PDE1C: variants seen among roughly 807,000 people sequenced by gnomAD.
The protein encoded by PDE1C is dual specificity calcium/calmodulin-dependent 3',5'-cyclic nucleotide phosphodiesterase 1C.
A neutral mutation model predicts 93.1 loss-of-function variants in PDE1C; 62 were observed. The ratio of observed to expected loss-of-function variants is 0.67; its 90% CI spans 0.54 to 0.82. The LOEUF is 0.82. Ranked by LOEUF, PDE1C falls within the 40% of genes least tolerant of loss-of-function variation. The pLI is 0.00. For missense variants in PDE1C, 742 were observed against 884.6 expected (o/e 0.84, Z 2.04); for synonymous variants, 325 against 310.1 (o/e 1.05, Z -0.50).
intron 1 of PDE1C, among the ~76,000 whole-genome samples, chr7:32,268,140 A>G (rs1810737532): frequency 6.6e-6 from 1 of 152,224 alleles, no homozygotes; most frequent in South Asian, 2.1e-4. Context: ...CAGCTCCAAG[A>G]TACTTAGCCT....
chr7:31,891,805 T>TACAC (rs70989620), intron 2 of PDE1C, among the ~76,000 whole-genome samples: 2,915 of 146,108 alleles, frequency 0.02, 56 homozygotes, highest in African/African-American at 0.056. Flanking sequence ...AATGCATTCA[T>TACAC]ACACACACAC....
At chr7:32,356,529 A>AT (rs1464710487) in intron 1 of PDE1C, among the ~76,000 whole-genome samples, 10 of 152,216 alleles carry the variant, frequency 6.6e-5, no homozygotes, top group African/African-American at 2.2e-4. Context: ...TCTCATTTAG[A>AT]TGGGCACATT....
chr7:32,306,104 T>G (rs781371816), intron 1 of PDE1C, among the ~76,000 whole-genome samples: 1 of 152,204 alleles, frequency 6.6e-6, no homozygotes, highest in Non-Finnish European at 1.5e-5. Context: ...TCATTCTCTC[T>G]TGTCTGCCAC....
the PDE1C span, among the ~76,000 whole-genome samples, chr7:31,623,612 A>G: frequency 7.1e-6 from 1 of 140,664 alleles, no homozygotes; most frequent in South Asian, 2.5e-4. Flanking sequence ...TCTCAAAATA[A>G]TAAGAGCTAT....
chr7:31,885,805 C>T (rs1170245012), intron 2 of PDE1C, among the ~76,000 whole-genome samples: 2 of 152,306 alleles, frequency 1.3e-5, no homozygotes, highest in Admixed American at 1.3e-4. Context: ...TTATACTGGA[C>T]TAGGCATTAT....
intron 3 of PDE1C, among the ~76,000 whole-genome samples, chr7:32,086,104 C>T (rs1488513487): frequency 1.3e-5 from 2 of 150,510 alleles, no homozygotes; most frequent in African/African-American, 4.9e-5. Flanking sequence ...TCTAGAAAAC[C>T]CCACTGTTTC....
chr7:32,340,645 G>C (rs1783729900), intron 1 of PDE1C, among the ~76,000 whole-genome samples: 1 of 152,116 alleles, frequency 6.6e-6, no homozygotes, highest in Non-Finnish European at 1.5e-5. Flanking sequence ...CCAGACAATG[G>C]CATATTATTC....
intron 1 of PDE1C, among the ~76,000 whole-genome samples, chr7:32,395,964 A>G (rs1784833792): frequency 6.6e-6 from 1 of 152,214 alleles, no homozygotes; most frequent in Non-Finnish European, 1.5e-5. Flanking sequence ...ACATAGTATT[A>G]TATCTTAAAA....
intron 3 of PDE1C, among the ~76,000 whole-genome samples, chr7:32,111,012 C>G (rs1299850565): frequency 3.3e-5 from 5 of 152,072 alleles, no homozygotes; most frequent in African/African-American, 1.2e-4. Context: ...CTTTCACAGA[C>G]ATACCACAGC....
At chr7:32,023,531 T>A (rs1159929516) in intron 2 of PDE1C, among the ~76,000 whole-genome samples, 1 of 151,880 alleles carries the variant, frequency 6.6e-6, no homozygotes, top group Admixed American at 6.6e-5. Flanking sequence ...TCCCCAAACA[T>A]CCTTCAGGGC....
chr7:31,980,210 T>C (rs1318265311), intron 2 of PDE1C, among the ~76,000 whole-genome samples: 3 of 152,188 alleles, frequency 2.0e-5, no homozygotes, highest in Admixed American at 6.5e-5. Flanking sequence ...TCCACTTTAT[T>C]ACAAGGTTAC....
chr7:31,702,203 A>ATTTTTTTT, the PDE1C span, among the ~76,000 whole-genome samples: 2 of 125,282 alleles, frequency 1.6e-5, no homozygotes, highest in African/African-American at 6.5e-5. Flanking sequence ...TTTCACCCTT[A>ATTTTTTTT]TTTATTTTTT....
chr7:31,823,185 T>G lies in PDE1C; in HGVS notation c.1470A>C (p.Gly490=), dbSNP rs778251354. ...TGACAGAATTGTTGATCGGGGCACT[T>G]CCCTCTGAACCAGAGGTCTTGACAC... ...RSGVKTSGSE[G]SAPINNSVIS... The change falls in exon 14 of 18, where the codon GGA becomes GGC. Residue 490 remains glycine, a synonymous_variant. Coordinates refer to ENST00000396191, the MANE Select transcript of PDE1C (RefSeq NM_001191057.4). The G allele has an allele frequency of 6.2e-7, 1 of 1,613,230 alleles. No homozygotes were observed. The highest frequency in any genetic ancestry group is 1.1e-5 in the South Asian group (1 of 91,028).
chr7:32,201,314 G>A (rs975020133), intron 2 of PDE1C, among the ~76,000 whole-genome samples: 2 of 152,210 alleles, frequency 1.3e-5, no homozygotes, highest in Non-Finnish European at 2.9e-5. Flanking sequence ...TGAGAGGATA[G>A]AGGAGGAGGT....
Position 32,341,174 on chromosome 7 carries a change from T to TATTTTTTATTTTATTTTA in PDE1C, c.310+86647_310+86648insTAAAATAAAATAAAAAAT, listed in dbSNP as rs72495478. 5.8e-3 allele frequency among the ~76,000 whole-genome samples: 99 copies of TATTTTTTATTTTATTTTA among 17,134 alleles called. 2 individuals carry two copies. The East Asian group carries it at 0.16, about 27-fold the overall frequency. The allele number at this position is 17,134 out of a possible 152,430, so 11.2% of individuals were successfully genotyped here. A position where few individuals can be genotyped will look rare whatever the true frequency, so the allele number is the denominator to read the frequency against. On this transcript the variant is annotated intron_variant, in intron 1 of 1. Transcript: ENST00000672256. The stretch of plus-strand genomic sequence containing the variant: ...CTAAAACTACTCTAGAAATAAAGTC[T>TATTTTTTATTTTATTTTA]TTTTTTTTTTTTTTTTTTTGAGACG...
chr7:32,148,855 G>T (rs1197231352), intron 3 of PDE1C, among the ~76,000 whole-genome samples: 1 of 152,148 alleles, frequency 6.6e-6, no homozygotes, highest in African/African-American at 2.4e-5. Flanking sequence ...TTGCATATAT[G>T]ACAATAATTG....
intron 1 of PDE1C, among the ~76,000 whole-genome samples, chr7:32,323,058 G>A (rs539407077): frequency 6.6e-6 from 1 of 152,312 alleles, no homozygotes; most frequent in Non-Finnish European, 1.5e-5. Context: ...GGTGGGGAGA[G>A]ATTTAAGGCA....
chr7:32,239,109 A>G (rs1808357289), intron 1 of PDE1C, among the ~76,000 whole-genome samples: 1 of 152,218 alleles, frequency 6.6e-6, no homozygotes, highest in Non-Finnish European at 1.5e-5. Flanking sequence ...TTCACAAAAC[A>G]TTTTAAAAAC....
intron 2 of PDE1C, among the ~76,000 whole-genome samples, chr7:32,181,719 C>T (rs1803443176): frequency 6.6e-6 from 1 of 151,896 alleles, no homozygotes; most frequent in Admixed American, 6.6e-5. Context: ...AATTGACACC[C>T]TAACATCACA....
Sources: allele counts gnomAD v4.1 joint callset (sites outside exome capture counted in the v4.1 genomes callset), GRCh38; gene constraint gnomAD v4.1.1; transcripts MANE v1.5; gene names NCBI Gene and HGNC (gene_info 2026-07-23, HGNC 2026-07-21).